The following CTNNA2 variants were observed in gnomAD, a reference collection of about 807,000 sequenced individuals.
The protein encoded by CTNNA2 is catenin alpha-2.
CTNNA2 carries 42 observed loss-of-function variants against 101.0 expected under a neutral mutation model. The ratio of observed to expected loss-of-function variants is 0.42; its 90% CI spans 0.32 to 0.54. The LOEUF is 0.54. CTNNA2 is among the 20% of genes least tolerant of loss of function. The pLI, the probability that CTNNA2 is intolerant of heterozygous loss-of-function variation, is 0.14. For missense variants in CTNNA2, 871 were observed against 1,223.1 expected (o/e 0.71, Z 4.29); for synonymous variants, 450 against 456.4 (o/e 0.99, Z 0.18).
chr2:79,585,778 C>T (rs559732016), intron 1 of CTNNA2, among the ~76,000 whole-genome samples: 1 of 152,040 alleles, frequency 6.6e-6, no homozygotes, highest in Admixed American at 6.6e-5. Flanking sequence ...CAATTTTCTC[C>T]TCCTGCCTCT....
At chr2:79,681,517 C>A (rs1330985597) in intron 2 of CTNNA2, among the ~76,000 whole-genome samples, 1 of 152,116 alleles carries the variant, frequency 6.6e-6, no homozygotes, top group Non-Finnish European at 1.5e-5. Flanking sequence ...TTGGGTTTTA[C>A]AAGAGGTGAA....
chr2:79,332,713 G>A (rs540056394), intron 3 of CTNNA2, among the ~76,000 whole-genome samples: 3 of 152,216 alleles, frequency 2.0e-5, no homozygotes, highest in African/African-American at 4.8e-5. Flanking sequence ...TCAGGGATTG[G>A]CGTTAAAGGC....
intron 7 of CTNNA2, among the ~76,000 whole-genome samples, chr2:79,955,376 AG>A (rs1319395801): frequency 2.0e-5 from 3 of 152,212 alleles, no homozygotes; most frequent in Non-Finnish European, 4.4e-5. Context: ...CTAAAAAGAA[AG>A]GGGGAGGATG....
chr2:79,471,863 C>T (rs1199419664), intron 4 of CTNNA2, among the ~76,000 whole-genome samples: 1 of 151,830 alleles, frequency 6.6e-6, no homozygotes, highest in Non-Finnish European at 1.5e-5. Context: ...AAGATTTTAA[C>T]ATATCAGTTG....
intron 7 of CTNNA2, among the ~76,000 whole-genome samples, chr2:80,096,974 T>G (rs930007945): frequency 4.0e-5 from 6 of 151,142 alleles, no homozygotes; most frequent in South Asian, 2.1e-4. Context: ...TGCCAGTCTG[T>G]GTCTTTTAAT....
intron 4 of CTNNA2, among the ~76,000 whole-genome samples, chr2:79,379,711 A>G (rs945573502): frequency 6.6e-6 from 1 of 152,202 alleles, no homozygotes; most frequent in African/African-American, 2.4e-5. Context: ...TACAAATCCT[A>G]AAAGTCCTAA....
chr2:79,983,496 C>G (rs1156564743), intron 7 of CTNNA2, among the ~76,000 whole-genome samples: 1 of 152,030 alleles, frequency 6.6e-6, no homozygotes, highest in Non-Finnish European at 1.5e-5. Flanking sequence ...TCTAAGAGAA[C>G]TTGGTAATTA....
chr2:79,454,403 A>G (rs1488860714), intron 4 of CTNNA2, among the ~76,000 whole-genome samples: 1 of 152,166 alleles, frequency 6.6e-6, no homozygotes, highest in African/African-American at 2.4e-5. Context: ...TTATGCTTTC[A>G]TAATTCACTG....
At chr2:80,642,860 C>G (rs930414003) in intron 18 of CTNNA2, among the ~76,000 whole-genome samples, 1 of 152,126 alleles carries the variant, frequency 6.6e-6, no homozygotes, top group Non-Finnish European at 1.5e-5. Flanking sequence ...AGTCTTTGCT[C>G]CAGTCTTTCT....
At chr2:79,763,547 G>C (rs1003141247) in intron 3 of CTNNA2, among the ~76,000 whole-genome samples, 1 of 152,106 alleles carries the variant, frequency 6.6e-6, no homozygotes, top group Non-Finnish European at 1.5e-5. Context: ...AGAAGGTAGA[G>C]TATTATTATA....
In CTNNA2 at chr2:80,648,715, G is replaced by T. The variant is rs1674383213; in HGVS notation, c.*843G>T. ...GAGGCAAATACATAGGTGTAGCTTG[G>T]AGTGCTGGTATCTAATATACCATTG... On this transcript the variant is annotated 3_prime_UTR_variant, in exon 19 of 19. Transcript: ENST00000402739. 1 of 152,048 alleles carries T rather than the reference G, an allele frequency of 6.6e-6. No individual in the cohort carries two copies. The highest frequency in any genetic ancestry group is 2.4e-5 in the African/African-American group (1 of 41,398). The allele number at this position is 152,048 out of a possible 1,614,324, so 9.4% of individuals were successfully genotyped here.
At chr2:79,727,813 T>G (rs1686947329) in intron 2 of CTNNA2, among the ~76,000 whole-genome samples, 1 of 146,794 alleles carries the variant, frequency 6.8e-6, no homozygotes, top group Non-Finnish European at 1.5e-5. Context: ...CACATATGAG[T>G]GAGAATATGC....
At chr2:79,251,112 AGCTCAGCTCT>A (rs1307182233) in intron 2 of CTNNA2, among the ~76,000 whole-genome samples, 1 of 152,176 alleles carries the variant, frequency 6.6e-6, no homozygotes. Context: ...AGTTCAGTTC[AGCTCAGCTCT>A]GCTCCTCTGA....
At chr2:79,544,824 A>G (rs952096188) in intron 1 of CTNNA2, among the ~76,000 whole-genome samples, 2 of 152,080 alleles carry the variant, frequency 1.3e-5, no homozygotes, top group African/African-American at 4.8e-5. Flanking sequence ...CTCTGGGTGA[A>G]CTTCCCAGCT....
chr2:79,679,295 C>G (rs187185439), intron 2 of CTNNA2, among the ~76,000 whole-genome samples: 3 of 152,236 alleles, frequency 2.0e-5, no homozygotes. Flanking sequence ...TGCACATATT[C>G]CCTAGGCCAC....
chr2:79,982,265 T>TAA (rs1370954150), intron 7 of CTNNA2, among the ~76,000 whole-genome samples: 2,441 of 80,658 alleles, frequency 0.03, 159 homozygotes, highest in African/African-American at 0.11. Context: ...CACACACACA[T>TAA]AACATATATA....
At chr2:79,230,983 C>G (rs961935827) in intron 2 of CTNNA2, among the ~76,000 whole-genome samples, 15 of 152,210 alleles carry the variant, frequency 9.9e-5, no homozygotes, top group Non-Finnish European at 2.1e-4. Context: ...ACCATGGTAT[C>G]TAGGAAGTAA....
chr2:79,799,245 T>C (rs1371627768), intron 3 of CTNNA2, among the ~76,000 whole-genome samples: 1 of 152,028 alleles, frequency 6.6e-6, no homozygotes. Context: ...CATGTATATA[T>C]AAACATTGTA....
At chr2:80,474,043 A>T (rs933914989) in intron 9 of CTNNA2, among the ~76,000 whole-genome samples, 23 of 152,204 alleles carry the variant, frequency 1.5e-4, no homozygotes, top group African/African-American at 5.5e-4. Flanking sequence ...AGTTCTCTGC[A>T]GTCTTTACAA....
Sources: gnomAD v4.1 joint callset for allele counts (sites outside exome capture counted in the v4.1 genomes callset) on GRCh38, gnomAD v4.1.1 for gene constraint, MANE v1.5 for transcripts, NCBI Gene and HGNC (gene_info 2026-07-23, HGNC 2026-07-21) for gene names.